CFAP74: variants seen among roughly 807,000 people sequenced by gnomAD.
The protein encoded by CFAP74 is cilia and flagella associated protein 74, also known as cilia- and flagella-associated protein 74.
A neutral mutation model predicts 188.9 loss-of-function variants in CFAP74; 124 were observed. The observed-to-expected ratio is 0.66, with a 90% confidence interval of 0.57 to 0.76. The LOEUF (loss-of-function observed/expected upper bound fraction) is 0.76, where lower values mean the gene tolerates loss of function less well. CFAP74 is among the 30% of genes least tolerant of loss of function. The pLI is 0.00. For synonymous variants in CFAP74, 956 were observed against 916.7 expected (o/e 1.04, Z -0.77); for missense variants, 2,198 against 2,165.2 (o/e 1.02, Z -0.30).
Position 1,985,696 on chromosome 1 carries a change from C to T in CFAP74, c.396-206G>A, listed in dbSNP as rs559967881. Among the ~76,000 whole-genome samples, 811 of 152,366 alleles carry T rather than the reference C, an allele frequency of 5.3e-3. 10 individuals carry two copies. The highest frequency in any genetic ancestry group is 0.019 in the African/African-American group (771 of 41,594). On this transcript the variant is annotated intron_variant, in intron 5 of 38. Coordinates refer to ENST00000682832, the MANE Select transcript of CFAP74 (RefSeq NM_001304360.2). ...AGGCAGTGCCCACATGGCACAGCCC[C>T]AGGGGGAGTGAGGGCTTGGGGAGCC...
At chr1:1,967,338 G>C (rs34506333) in intron 11 of CFAP74, among the ~76,000 whole-genome samples, 32,974 of 150,960 alleles carry the variant, frequency 0.22, 3,769 homozygotes, top group East Asian at 0.26. Context: ...CCTATGGAGC[G>C]ACAGACAGGA....
At chr1:1,996,340 C>T (rs745771026) in intron 1 of CFAP74, among the ~76,000 whole-genome samples, 6 of 152,064 alleles carry the variant, frequency 3.9e-5, no homozygotes, top group East Asian at 1.9e-4. Context: ...AGAAGCATTG[C>T]GTCAGAAAGA....
Position 1,944,321 on chromosome 1 carries a change from G to T in CFAP74, c.2486+10C>A. The T allele has an allele frequency of 6.5e-7, 1 of 1,534,612 alleles. No individual in the cohort carries two copies. Among genetic ancestry groups the T allele is most frequent in the South Asian group, 1.2e-5 (1 of 83,976 alleles). Reference sequence around the variant, plus strand: ...GGTCACCCCGTGTGCATGGACAGGAGGGGGCTCACCGCGTGTGCACGAGCA... The same window carrying T: ...GGTCACCCCGTGTGCATGGACAGGATGGGGCTCACCGCGTGTGCACGAGCA... On this transcript the variant is annotated intron_variant, in intron 21 of 38. Transcript: ENST00000682832.
intron 5 of CFAP74, 108 bp downstream of exon 5, chr1:1,986,829 C>T: frequency 1.1e-6 from 1 of 872,604 alleles, no homozygotes; most frequent in African/African-American, 1.6e-5. Context: ...TGGGGCTCCT[C>T]ATTGGCCTGA....
intron 26 of CFAP74, among the ~76,000 whole-genome samples, chr1:1,929,135 T>C (rs145082381): frequency 1.3e-5 from 2 of 151,078 alleles, no homozygotes; most frequent in African/African-American, 4.9e-5. Flanking sequence ...GTGCTGAGAA[T>C]AGAGTCCTGG....
At chr1:1,990,184 C>T (rs949819541) in intron 2 of CFAP74, among the ~76,000 whole-genome samples, 1 of 152,172 alleles carries the variant, frequency 6.6e-6, no homozygotes, top group Non-Finnish European at 1.5e-5. Flanking sequence ...CAAATGTTCT[C>T]TGTGTCTTCA....
At chr1:1,948,934 T>TC (rs140432652) in intron 18 of CFAP74, among the ~76,000 whole-genome samples, 23,594 of 40,320 alleles carry the variant, frequency 0.59, 6,507 homozygotes, top group African/African-American at 0.68. Context: ...CCTTCCTCTT[T>TC]CCTCCCTTCC....
In CFAP74 at chr1:1,971,882, G is replaced by A. The variant is rs542879248; in HGVS notation, c.888+98C>T. 12 of 932,152 alleles carry A rather than the reference G, an allele frequency of 1.3e-5. No homozygotes were observed. The Admixed American group carries it at 2.1e-4, about 16-fold the overall frequency. The allele number at this position is 932,152 out of a possible 1,614,324, so 57.7% of individuals were successfully genotyped here. ...CCAAGTGCGCGGGTCAGCCCTGGAC[G>A]CCAGAGGACACGGGCCTGGCTCCCA... is the stretch of plus-strand genomic sequence containing the variant. On this transcript the variant is annotated intron_variant, in intron 9 of 38. Transcript: ENST00000682832.
intron 6 of CFAP74, among the ~76,000 whole-genome samples, chr1:1,983,305 C>CA (rs941890741): frequency 6.6e-6 from 1 of 152,226 alleles, no homozygotes; most frequent in African/African-American, 2.4e-5. Context: ...TTCCCAGCCT[C>CA]AAAGCTTCTG....
chr1:1,971,664 C>T (rs1656085842), intron 9 of CFAP74, among the ~76,000 whole-genome samples: 1 of 152,234 alleles, frequency 6.6e-6, no homozygotes, highest in Non-Finnish European at 1.5e-5. Flanking sequence ...CAGCCTTGGC[C>T]CCAGGGCATG....
At chr1:1,924,155 TCACCGCCCACCCCCCAC>T (rs2102028026) in intron 34 of CFAP74, among the ~76,000 whole-genome samples, 1 of 30,408 alleles carries the variant, frequency 3.3e-5, no homozygotes, top group Admixed American at 4.2e-4. Context: ...CCCCCCCAGC[TCACCGCCCACCCCCCAC>T]CTCACCAACT....
At chr1:1,993,811 C>T (rs533313316) in intron 1 of CFAP74, among the ~76,000 whole-genome samples, 175 of 151,514 alleles carry the variant, frequency 1.2e-3, no homozygotes, top group Non-Finnish European at 1.8e-3. Context: ...TGAAACCCCA[C>T]CTCTACTAAA....
intron 19 of CFAP74, 62 bp from the exon 20 acceptor site, chr1:1,946,501 AC>A (rs1653787036): frequency 6.8e-7 from 1 of 1,469,324 alleles, no homozygotes; most frequent in Admixed American, 2.4e-5. Flanking sequence ...TCCCTTCCCA[AC>A]CCTCACAATG....
intron 17 of CFAP74, among the ~76,000 whole-genome samples, 196 bp from the exon 18 acceptor site, chr1:1,956,046 A>T (rs529384370): frequency 6.6e-6 from 1 of 152,050 alleles, no homozygotes; most frequent in Non-Finnish European, 1.5e-5. Flanking sequence ...GCTCACCCAG[A>T]GACTCAGAGT....
chr1:1,927,119 G>A, intron 28 of CFAP74, 91 bp from the exon 29 acceptor site: 8 of 1,425,970 alleles, frequency 5.6e-6, no homozygotes, highest in Admixed American at 2.2e-5. Context: ...CAGGGTCCCA[G>A]GGTCCCAGGG....
chr1:1,945,279 C>T (rs1182319841), intron 20 of CFAP74, among the ~76,000 whole-genome samples: 1 of 152,250 alleles, frequency 6.6e-6, no homozygotes, highest in Non-Finnish European at 1.5e-5. Flanking sequence ...CTGCTTCTCC[C>T]CAAGCACTGA....
rs565807041 is a variant in CFAP74 at position 1,930,377 on chromosome 1, G to T, written c.3012-41C>A. On this transcript the variant is annotated intron_variant, in intron 25 of 38. Coordinates refer to ENST00000682832, the MANE Select transcript of CFAP74 (RefSeq NM_001304360.2). ...TGGGAGGCCCTCAGCCGTGCAGGGC[G>T]TCCGTGTCCCTCTGCGGCAGGCGCG... 2.0e-6 allele frequency: 3 copies of T among 1,477,852 alleles called. No individual in the cohort carries two copies. In the South Asian group the frequency reaches 4.0e-5, roughly 20 times the overall value. 91.5% of individuals were successfully genotyped at this position (1,477,852 alleles called of 1,614,324 possible).
intron 25 of CFAP74, among the ~76,000 whole-genome samples, chr1:1,932,948 C>T (rs1290182058): frequency 2.1e-5 from 3 of 144,740 alleles, no homozygotes; most frequent in African/African-American, 5.2e-5. Context: ...TGCAGTGGTG[C>T]GATCTCGGCT....
rs1557978158 is a variant in CFAP74, at chr1:1,922,721, G to GCGTT, written c.4685_4686insAACG (p.Val1563ThrfsTer3). The GCGTT allele has an allele frequency of 6.2e-7, 1 of 1,602,794 alleles. No homozygotes were observed. Among genetic ancestry groups the GCGTT allele is most frequent in the Admixed American group, 1.7e-5 (1 of 59,546 alleles). ...CGACGCTGTCTATGCTGAACTCAAC[G>GCGTT]GTCTGTGGGGTATGGGGCTCCTGTA... On this transcript the variant is annotated frameshift_variant and splice_region_variant, in exon 38 of 39. Transcript: ENST00000682832. LOFTEE classifies it high-confidence loss of function.
Sources: gnomAD v4.1 joint callset for allele counts (sites outside exome capture counted in the v4.1 genomes callset) on GRCh38, gnomAD v4.1.1 for gene constraint, MANE v1.5 for transcripts, NCBI Gene and HGNC (gene_info 2026-07-23, HGNC 2026-07-21) for gene names.